Variants in DAB1 observed in about 807,000 individuals in gnomAD.
The protein encoded by DAB1 is disabled homolog 1.
In DAB1, 15 loss-of-function variants were observed where a neutral mutation model predicts 64.6. The ratio of observed to expected loss-of-function variants is 0.23; its 90% confidence interval spans 0.16 to 0.36. The LOEUF is 0.36. DAB1 is among the 10% of genes least tolerant of loss of function. DAB1 has a pLI of 1.00. For missense variants in DAB1, 596 were observed against 706.7 expected, an observed-to-expected ratio of 0.84 and a Z score of 1.78; for synonymous variants, 235 against 251.9, an observed-to-expected ratio of 0.93 and a Z score of 0.64.
chr1:58,372,118 G>A (rs746138812), intron 3 of DAB1, among the ~76,000 whole-genome samples: 1 of 152,186 alleles, frequency 6.6e-6, no homozygotes, highest in African/African-American at 2.4e-5. Flanking sequence ...CTTGCGCCAG[G>A]CACTTGGAAA....
At chr1:57,661,468 T>C (rs1646385621) in intron 6 of DAB1, among the ~76,000 whole-genome samples, 1 of 152,182 alleles carries the variant, frequency 6.6e-6, no homozygotes, top group Non-Finnish European at 1.5e-5. Context: ...CAGAGATAAA[T>C]GCTGCAACTT....
At chr1:57,720,976 G>A (rs926385436) in intron 6 of DAB1, among the ~76,000 whole-genome samples, 1 of 152,224 alleles carries the variant, frequency 6.6e-6, no homozygotes, top group Non-Finnish European at 1.5e-5. Context: ...CTTAAAGGGA[G>A]AGAAAGTGAG....
chr1:57,298,995 G>A (rs931949458), intron 1 of DAB1, among the ~76,000 whole-genome samples: 1 of 152,174 alleles, frequency 6.6e-6, no homozygotes, highest in African/African-American at 2.4e-5. Context: ...CATAAGCAGT[G>A]TCTCTATAAA....
chr1:57,056,314 C>T (rs1649747179), intron 9 of DAB1, among the ~76,000 whole-genome samples: 1 of 127,376 alleles, frequency 7.9e-6, no homozygotes. Context: ...CAGTGGGTAA[C>T]ATAGCAAGTC....
chr1:58,074,538 A>C (rs1393881836), intron 5 of DAB1: 1 of 103,080 alleles, frequency 9.7e-6, no homozygotes, highest in African/African-American at 4.0e-5. Context: ...ATATATATAT[A>C]TATATACACA....
chr1:58,091,212 G>A (rs939894711), intron 5 of DAB1, among the ~76,000 whole-genome samples: 4 of 152,060 alleles, frequency 2.6e-5, no homozygotes, highest in African/African-American at 9.7e-5. Context: ...ACTCTGTTTC[G>A]TTAGTTTTAT....
At chr1:57,587,157 C>T (rs1054433034) in intron 7 of DAB1, among the ~76,000 whole-genome samples, 1 of 152,150 alleles carries the variant, frequency 6.6e-6, no homozygotes, top group African/African-American at 2.4e-5. Context: ...GAAAGTTCTT[C>T]CTAAATGAGT....
chr1:57,415,371 T>C (rs576270849), intron 1 of DAB1, among the ~76,000 whole-genome samples: 1 of 151,734 alleles, frequency 6.6e-6, no homozygotes, highest in African/African-American at 2.4e-5. Context: ...AAGGAGAATA[T>C]CTTCATGACA....
At chr1:58,224,089 AG>A (rs762671811) in intron 4 of DAB1, among the ~76,000 whole-genome samples, 1 of 152,208 alleles carries the variant, frequency 6.6e-6, no homozygotes, top group African/African-American at 2.4e-5. Context: ...CTGGATTTCT[AG>A]TGGCAGTGGG....
chr1:57,727,726 C>CCTTCCTTCCT (rs1647239817), intron 6 of DAB1, among the ~76,000 whole-genome samples: 209 of 137,122 alleles, frequency 1.5e-3, no homozygotes, highest in African/African-American at 5.2e-3. Context: ...CCTTCCTTCT[C>CCTTCCTTCCT]TCCTTCCTTC....
chr1:57,412,748 T>C (rs1270808195), intron 1 of DAB1, among the ~76,000 whole-genome samples: 1 of 152,172 alleles, frequency 6.6e-6, no homozygotes, highest in African/African-American at 2.4e-5. Context: ...CCTTGGTTCA[T>C]GAATTATAAG....
chr1:57,968,561 A>G (rs921965144), intron 5 of DAB1, among the ~76,000 whole-genome samples: 1 of 152,190 alleles, frequency 6.6e-6, no homozygotes, highest in African/African-American at 2.4e-5. Context: ...CAGAAAGTAT[A>G]AATTTAAGAA....
chr1:57,528,915 C>T (rs1366586424), intron 7 of DAB1, among the ~76,000 whole-genome samples: 1 of 151,704 alleles, frequency 6.6e-6, no homozygotes, highest in Non-Finnish European at 1.5e-5. Flanking sequence ...ACAAGAAATG[C>T]TAAAGTTAAG....
chr1:57,445,108 A>C (rs1044449654), intron 7 of DAB1, among the ~76,000 whole-genome samples: 3 of 152,168 alleles, frequency 2.0e-5, no homozygotes, highest in Non-Finnish European at 4.4e-5. Flanking sequence ...AGCATTTAAA[A>C]ATGTTATGGG....
intron 1 of DAB1, among the ~76,000 whole-genome samples, chr1:57,875,819 A>G (rs751309835): frequency 1.3e-5 from 2 of 152,240 alleles, no homozygotes; most frequent in African/African-American, 2.4e-5. Context: ...TAATAAAAAG[A>G]GATCTGGGTC....
chr1:58,003,355 C>T (rs1646534768), intron 5 of DAB1, among the ~76,000 whole-genome samples: 1 of 152,100 alleles, frequency 6.6e-6, no homozygotes, highest in South Asian at 2.1e-4. Context: ...ATAGATGGCC[C>T]TCAATTTTAT....
intron 6 of DAB1, among the ~76,000 whole-genome samples, chr1:57,813,647 G>C (rs114729209): frequency 4.3e-4 from 65 of 152,328 alleles, no homozygotes; most frequent in African/African-American, 1.5e-3. Context: ...TGAATATGCT[G>C]TGTAGGAGCT....
intron 1 of DAB1, among the ~76,000 whole-genome samples, chr1:58,546,159 T>C (rs529712582): frequency 6.6e-6 from 1 of 152,362 alleles, no homozygotes; most frequent in Non-Finnish European, 1.5e-5. Context: ...TCCCCGGAAC[T>C]GCTTAGACGG....
chr1:57,797,651 T>C lies in DAB1; in HGVS notation n.551+86348A>G, dbSNP rs79315276. Among the ~76,000 whole-genome samples the C allele has an allele frequency of 3.3e-3, 509 of 152,368 alleles. 4 individuals are homozygous for C. The highest frequency in any genetic ancestry group is 0.011 in the African/African-American group (476 of 41,584). ...AGTGATAGTAATCATTCCTTACACG[T>C]ATAAAAGAGGTTAATGCTTACAAGC... is the stretch of plus-strand genomic sequence containing the variant. On this transcript the variant is annotated intron_variant and non_coding_transcript_variant, in intron 6 of 20. Transcript: ENST00000485760.
Sources: allele counts gnomAD v4.1 joint callset (sites outside exome capture counted in the v4.1 genomes callset), GRCh38; gene constraint gnomAD v4.1.1; transcripts MANE v1.5; gene names NCBI Gene and HGNC (gene_info 2026-07-23, HGNC 2026-07-21).